The following GABRB3 variants were observed in gnomAD, a reference collection of about 807,000 sequenced individuals.
GABRB3 encodes the protein gamma-aminobutyric acid receptor subunit beta-3.
Under a neutral mutation model 52.1 loss-of-function variants are expected in GABRB3, and 14 were observed. The ratio of observed to expected loss-of-function variants is 0.27; its 90% CI spans 0.18 to 0.42. The LOEUF is 0.42. Among genes scored for constraint, GABRB3 ranks in the 10% least tolerant of loss-of-function variants. The pLI, the probability that GABRB3 is intolerant of heterozygous loss-of-function variation, is 1.00. For synonymous variants in GABRB3, 260 were observed against 232.3 expected, an observed-to-expected ratio of 1.12 and a Z score of -1.08; for missense variants, 307 against 609.1, an observed-to-expected ratio of 0.50 and a Z score of 5.22.
intron 3 of GABRB3, among the ~76,000 whole-genome samples, chr15:26,746,411 T>C (rs938377305): frequency 3.3e-5 from 5 of 152,136 alleles, no homozygotes; most frequent in East Asian, 1.9e-4. Flanking sequence ...GTCTTTAGAG[T>C]CTTTTGCAGA....
chr15:26,753,158 C>A (rs916912996), intron 3 of GABRB3, among the ~76,000 whole-genome samples: 4 of 152,198 alleles, frequency 2.6e-5, no homozygotes, highest in Admixed American at 2.0e-4. Flanking sequence ...TCCACAGGCA[C>A]TTTCCCCAGA....
chr15:26,576,136 T>C (rs912097308), intron 6 of GABRB3, among the ~76,000 whole-genome samples: 7 of 152,240 alleles, frequency 4.6e-5, no homozygotes, highest in African/African-American at 1.2e-4. Flanking sequence ...TTTAGCTGAA[T>C]ATGTTTGTTG....
chr15:26,597,468 G>A (rs2140772387), intron 4 of GABRB3, among the ~76,000 whole-genome samples: 1 of 152,296 alleles, frequency 6.6e-6, no homozygotes, highest in East Asian at 1.9e-4. Flanking sequence ...AGATAGAGGA[G>A]ACTGAATAGG....
intron 4 of GABRB3, among the ~76,000 whole-genome samples, chr15:26,620,554 A>C (rs1892445203): frequency 6.6e-6 from 1 of 152,252 alleles, no homozygotes; most frequent in East Asian, 1.9e-4. Flanking sequence ...CAGGAGAGCA[A>C]GAAACAGACA....
chr15:26,626,209 G>A (rs1785105736), intron 3 of GABRB3, among the ~76,000 whole-genome samples: 1 of 152,102 alleles, frequency 6.6e-6, no homozygotes, highest in Admixed American at 6.5e-5. Context: ...ACCAGGAATA[G>A]CACCCATATA....
Position 26,544,139 on chromosome 15 carries a change from A to G in GABRB3, c.*3654T>C, listed in dbSNP as rs1179589149. The stretch of plus-strand genomic sequence containing the variant: ...TTACATAAAATGGCCAGAAATATGA[A>G]CTGGTTTTCAGGTGGAGAGTTAAAA... On this transcript the variant is annotated 3_prime_UTR_variant, in exon 9 of 9. Coordinates refer to ENST00000311550, the MANE Select transcript of GABRB3 (RefSeq NM_000814.6). 6.6e-6 allele frequency: 1 copy of G among 152,486 alleles called. No homozygotes were observed. Among genetic ancestry groups the G allele is most frequent in the Non-Finnish European group, 1.5e-5 (1 of 68,028 alleles). 9.4% of individuals were successfully genotyped at this position (152,486 alleles called of 1,614,324 possible).
At chr15:26,668,076 AAG>A (rs1318410481) in intron 3 of GABRB3, among the ~76,000 whole-genome samples, 1 of 152,200 alleles carries the variant, frequency 6.6e-6, no homozygotes, top group East Asian at 1.9e-4. Context: ...TCACCCAGAC[AAG>A]AGTCAGAGTC....
At chr15:26,690,266 A>T (rs1888546740) in intron 3 of GABRB3, among the ~76,000 whole-genome samples, 1 of 151,954 alleles carries the variant, frequency 6.6e-6, no homozygotes, top group South Asian at 2.1e-4. Context: ...TTTTGTAGTG[A>T]CAGGGTCTCA....
intron 3 of GABRB3, among the ~76,000 whole-genome samples, chr15:26,752,513 T>C (rs1187909468): frequency 6.6e-6 from 1 of 152,124 alleles, no homozygotes; most frequent in Non-Finnish European, 1.5e-5. Context: ...TCCACTCGCC[T>C]TAGCCTCCCA....
At chr15:26,686,642 A>G (rs1189373546) in intron 3 of GABRB3, among the ~76,000 whole-genome samples, 1 of 152,212 alleles carries the variant, frequency 6.6e-6, no homozygotes, top group African/African-American at 2.4e-5. Flanking sequence ...AAGGGTTTTC[A>G]CAAAGTTAAG....
At chr15:26,609,176 T>A (rs780751575) in intron 4 of GABRB3, among the ~76,000 whole-genome samples, 3 of 151,682 alleles carry the variant, frequency 2.0e-5, no homozygotes, top group Non-Finnish European at 4.4e-5. Flanking sequence ...AAAAATTTTG[T>A]CAGTTGGGAC....
chr15:26,636,982 G>A (rs1360486285), intron 3 of GABRB3, among the ~76,000 whole-genome samples: 1 of 152,046 alleles, frequency 6.6e-6, no homozygotes, highest in South Asian at 2.1e-4. Flanking sequence ...CTCTCCCACG[G>A]TCTTGTTCCC....
chr15:26,732,277 AATAG>A (rs1301539045), intron 3 of GABRB3, among the ~76,000 whole-genome samples: 2 of 109,140 alleles, frequency 1.8e-5, no homozygotes, highest in East Asian at 3.2e-4. Context: ...TGGATGGATG[AATAG>A]ATGGATGGAT....
rs779210509 is a variant in GABRB3, at chr15:26,772,742, C to G, written c.111G>C (p.Val37=). Residue 37 remains valine, a synonymous_variant, in exon 2 of 9, where the codon GTG becomes GTC. Transcript: ENST00000311550. ...SVNDPGNMSF[V]KETVDKLLKG... is the part of the protein sequence containing the mutation. ...TCAACAGCTTGTCCACCGTCTCCTTCACAAAGGACATGTTCCCGGGATCGT... is the reference window on the plus strand; with the variant it reads ...TCAACAGCTTGTCCACCGTCTCCTTGACAAAGGACATGTTCCCGGGATCGT... 6.4e-7 allele frequency: 1 copy of G among 1,573,236 alleles called. No homozygotes were observed. The highest frequency in any genetic ancestry group is 8.6e-7 in the Non-Finnish European group (1 of 1,159,054).
At chr15:26,602,107 C>T (rs1891610635) in intron 4 of GABRB3, among the ~76,000 whole-genome samples, 1 of 152,082 alleles carries the variant, frequency 6.6e-6, no homozygotes, top group African/African-American at 2.4e-5. Context: ...GCAAGAGTAC[C>T]TGTACATATA....
At chr15:26,631,925 G>A (rs1363636582) in intron 3 of GABRB3, among the ~76,000 whole-genome samples, 1 of 152,144 alleles carries the variant, frequency 6.6e-6, no homozygotes, top group Non-Finnish European at 1.5e-5. Context: ...TTAGTGTTAG[G>A]GATCCAGAGA....
Position 26,547,429 on chromosome 15 carries a change from C to G in GABRB3, c.*364G>C. On this transcript the variant is annotated 3_prime_UTR_variant, in exon 9 of 9. Coordinates refer to ENST00000311550, the MANE Select transcript of GABRB3 (RefSeq NM_000814.6). ...TGATATTGTGTTTCACGCCCTCATT[C>G]TCAAGGCATAATATTTAGATGATAC... 2.2e-6 allele frequency: 1 copy of G among 444,450 alleles called. No individual in the cohort carries two copies. The highest frequency in any genetic ancestry group is 4.0e-6 in the Non-Finnish European group (1 of 252,918). 27.5% of individuals were successfully genotyped at this position (444,450 alleles called of 1,614,324 possible).
chr15:26,624,837 C>A, intron 3 of GABRB3: 2 of 985,390 alleles, frequency 2.0e-6, no homozygotes, highest in Non-Finnish European at 2.4e-6. Context: ...CCGGGAGTAG[C>A]AAATGCAGGG....
chr15:26,579,359 G>A (rs776904879), intron 6 of GABRB3, among the ~76,000 whole-genome samples: 2 of 152,138 alleles, frequency 1.3e-5, no homozygotes, highest in Non-Finnish European at 2.9e-5. Context: ...GGGCTGTGCC[G>A]GGTCAAGCAG....
Sources: gnomAD v4.1 joint callset for allele counts (sites outside exome capture counted in the v4.1 genomes callset) on GRCh38, gnomAD v4.1.1 for gene constraint, MANE v1.5 for transcripts, NCBI Gene and HGNC (gene_info 2026-07-23, HGNC 2026-07-21) for gene names.